PTPRD: variants seen among roughly 807,000 people sequenced by gnomAD.
PTPRD encodes the protein protein tyrosine phosphatase receptor type D.
In PTPRD, 34 loss-of-function variants were observed where a neutral mutation model predicts 214.5. The ratio of observed to expected loss-of-function variants is 0.16; its 90% CI spans 0.12 to 0.21. The LOEUF is 0.21. PTPRD is among the 10% of genes least tolerant of loss of function. PTPRD has a pLI of 1.00. For missense variants in PTPRD, 2,545 were observed against 2,398.7 expected, an observed-to-expected ratio of 1.06 and a Z score of -1.27; for synonymous variants, 1,128 against 845.7, an observed-to-expected ratio of 1.33 and a Z score of -5.79.
chr9:10,400,155 G>C (rs924484905), intron 2 of PTPRD, among the ~76,000 whole-genome samples: 2 of 151,812 alleles, frequency 1.3e-5, no homozygotes, highest in African/African-American at 2.4e-5. Flanking sequence ...TTATGTAGTA[G>C]TCAGGCAGGT....
intron 5 of PTPRD, among the ~76,000 whole-genome samples, chr9:9,844,674 T>A (rs1439958916): frequency 6.6e-6 from 1 of 152,012 alleles, no homozygotes; most frequent in Non-Finnish European, 1.5e-5. Context: ...GCTTTATTTA[T>A]TATTTATCTT....
intron 35 of PTPRD, among the ~76,000 whole-genome samples, chr9:8,410,243 G>A (rs1001129459): frequency 2.0e-5 from 3 of 152,332 alleles, no homozygotes; most frequent in South Asian, 2.1e-4. Flanking sequence ...AGAAGAGCAT[G>A]AGTTCAGTTG....
intron 9 of PTPRD, among the ~76,000 whole-genome samples, chr9:9,185,009 C>T (rs2131573111): frequency 6.6e-6 from 1 of 152,082 alleles, no homozygotes; most frequent in African/African-American, 2.4e-5. Context: ...GCTTGCAAAA[C>T]TGTTCTTATA....
chr9:9,891,932 C>G (rs2073471291), intron 5 of PTPRD, among the ~76,000 whole-genome samples: 2 of 152,084 alleles, frequency 1.3e-5, no homozygotes, highest in African/African-American at 2.4e-5. Flanking sequence ...AGACATCCCA[C>G]ATATTTTACT....
intron 8 of PTPRD, among the ~76,000 whole-genome samples, chr9:9,524,248 C>G (rs932232225): frequency 2.6e-5 from 4 of 152,128 alleles, no homozygotes; most frequent in Non-Finnish European, 4.4e-5. Context: ...TGCTTACCAA[C>G]AGTTTGTTTC....
At chr9:9,522,692 A>T (rs2097015222) in intron 8 of PTPRD, among the ~76,000 whole-genome samples, 1 of 152,188 alleles carries the variant, frequency 6.6e-6, no homozygotes, top group South Asian at 2.1e-4. Flanking sequence ...GAAAAAATAA[A>T]TTTTTAAAAA....
intron 5 of PTPRD, among the ~76,000 whole-genome samples, chr9:9,861,173 G>A (rs904174719): frequency 2.0e-5 from 3 of 152,120 alleles, no homozygotes; most frequent in Non-Finnish European, 4.4e-5. Flanking sequence ...TCTATCACAT[G>A]AGTGTATTGG....
At chr9:9,976,012 G>A (rs1043289236) in intron 4 of PTPRD, among the ~76,000 whole-genome samples, 1 of 152,150 alleles carries the variant, frequency 6.6e-6, no homozygotes, top group Admixed American at 6.5e-5. Context: ...GATAGCTGGA[G>A]TAAACTAGAA....
intron 11 of PTPRD, among the ~76,000 whole-genome samples, chr9:8,939,576 AAC>A (rs5896283): frequency 1.2e-4 from 18 of 150,338 alleles, no homozygotes; most frequent in African/African-American, 4.4e-4. Context: ...ATATATACAT[AAC>A]ACACACACAC....
intron 30 of PTPRD, among the ~76,000 whole-genome samples, chr9:8,480,473 C>G (rs942248301): frequency 3.9e-5 from 6 of 152,094 alleles, no homozygotes; most frequent in African/African-American, 7.2e-5. Context: ...CCAAATTGCC[C>G]AATTAACTAT....
intron 10 of PTPRD, among the ~76,000 whole-genome samples, chr9:9,020,489 C>A (rs1388810139): frequency 6.6e-6 from 1 of 152,080 alleles, no homozygotes; most frequent in African/African-American, 2.4e-5. Flanking sequence ...AAAGAAAAGG[C>A]TGGTTGAGGC....
chr9:10,305,062 C>T (rs2154410551), intron 3 of PTPRD, among the ~76,000 whole-genome samples: 1 of 152,148 alleles, frequency 6.6e-6, no homozygotes, highest in Non-Finnish European at 1.5e-5. Flanking sequence ...CAGATATATA[C>T]ACCCATGGAA....
intron 4 of PTPRD, among the ~76,000 whole-genome samples, chr9:9,970,960 T>G (rs1168385623): frequency 6.6e-6 from 1 of 152,246 alleles, no homozygotes; most frequent in Non-Finnish European, 1.5e-5. Context: ...GCTTTGTTGC[T>G]ATTTTTAATG....
At chr9:9,489,328 C>T (rs1054143890) in intron 8 of PTPRD, among the ~76,000 whole-genome samples, 1 of 152,090 alleles carries the variant, frequency 6.6e-6, no homozygotes, top group African/African-American at 2.4e-5. Flanking sequence ...ATAGTTACTA[C>T]ATTATTAGAT....
rs557498393 is a variant in PTPRD at position 10,484,945 on chromosome 9, C to T, written c.-600+127453G>A. 8.5e-5 allele frequency among the ~76,000 whole-genome samples: 13 copies of T among 152,052 alleles called. No homozygotes were observed. In the East Asian group the frequency reaches 2.1e-3, roughly 25 times the overall value. On this transcript the variant is annotated intron_variant, in intron 2 of 45. Transcript: ENST00000381196. ...CAAGAAATACTACCCAGATCAATGTCCCAGAGAGTTTCTCTAATGTTTTCT... is the reference window on the plus strand; with the variant it reads ...CAAGAAATACTACCCAGATCAATGTTCCAGAGAGTTTCTCTAATGTTTTCT...
chr9:9,154,672 C>T (rs112474378), intron 10 of PTPRD, among the ~76,000 whole-genome samples: 303 of 152,258 alleles, frequency 2.0e-3, no homozygotes, highest in African/African-American at 6.3e-3. Context: ...ACTGATATAT[C>T]GTTGTTACTA....
At chr9:8,690,384 G>C (rs1016918017) in intron 12 of PTPRD, among the ~76,000 whole-genome samples, 1 of 151,672 alleles carries the variant, frequency 6.6e-6, no homozygotes, top group African/African-American at 2.4e-5. Flanking sequence ...AAAATTAGCC[G>C]GGCATGGTGG....
At position 8,460,487 on chromosome 9, in the gene PTPRD, A is replaced by C; in HGVS notation, c.3799T>G (p.Leu1267Val). 1 of 1,613,620 alleles carries C rather than the reference A, an allele frequency of 6.2e-7. No individual in the cohort carries two copies. The highest frequency in any genetic ancestry group is 8.5e-7 in the Non-Finnish European group (1 of 1,179,690). ...PQPITDEEEG[L>V]IWVVGPVLAV... ...AGGACAGGACCTACAACCCAGATCA[A>C]GCCTTCTTCTTCATCCGTGATTGGC... Residue 1267 changes from leucine (L) to valine (V), a missense_variant, in exon 33 of 46, where the codon TTG (leucine) becomes GTG (valine). Physicochemically the swap from Leu to Val is conservative, Grantham distance 32 (BLOSUM62 1). Coordinates refer to ENST00000381196, the MANE Select transcript of PTPRD (RefSeq NM_002839.4).
At chr9:10,158,003 TTTTG>T (rs71485324) in intron 3 of PTPRD, among the ~76,000 whole-genome samples, 85 of 151,072 alleles carry the variant, frequency 5.6e-4, no homozygotes, top group African/African-American at 1.6e-3. Context: ...GTTTATGGTT[TTTTG>T]TTTGTTTGTT....
Sources: gnomAD v4.1 joint callset for allele counts (sites outside exome capture counted in the v4.1 genomes callset) on GRCh38, gnomAD v4.1.1 for gene constraint, MANE v1.5 for transcripts, NCBI Gene and HGNC (gene_info 2026-07-23, HGNC 2026-07-21) for gene names.